Variants in FER1L5 observed in about 807,000 individuals in gnomAD.
FER1L5 encodes the protein fer-1 like family member 5, also known as fer-1-like protein 5.
In FER1L5, 187 loss-of-function variants were observed where a neutral mutation model predicts 279.9. The observed-to-expected ratio is 0.67, with a 90% CI of 0.59 to 0.75. The LOEUF is 0.75. FER1L5 is among the 30% of genes least tolerant of loss of function. FER1L5 has a pLI of 0.00. For synonymous variants in FER1L5, 921 were observed against 989.7 expected, an observed-to-expected ratio of 0.93 and a Z score of 1.30; for missense variants, 2,091 against 2,594.4, an observed-to-expected ratio of 0.81 and a Z score of 4.21.
At chr2:96,663,390 G>T in intron 13 of FER1L5, 49 bp from the exon 14 acceptor site, 1 of 1,523,108 alleles carries the variant, frequency 6.6e-7, no homozygotes, top group Non-Finnish European at 8.9e-7. Flanking sequence ...GAGGTCAGTG[G>T]AGGGAGGAGG....
rs1242312874 is a variant in FER1L5 at position 96,703,292 on chromosome 2, T to A, written c.5637T>A (p.Thr1879=). 2 of 1,613,736 alleles carry A rather than the reference T, an allele frequency of 1.2e-6. No individual in the cohort carries two copies. Among genetic ancestry groups the A allele is most frequent in the Admixed American group, 1.7e-5 (1 of 59,990 alleles). ...ACTTCTCCCTCTTTAAGAAGAAGAC[T>A]GTGACTGGCTGGTGGCCTTGCCAGG... The part of the protein sequence containing the change: ...YKHFSLFKKK[T]VTGWWPCQVL... Residue 1879 remains threonine (T), a synonymous_variant, in exon 50 of 53, where the codon ACT becomes ACA. Transcript: ENST00000624922.
At position 96,657,065 on chromosome 2, in the gene FER1L5, T is replaced by TTATATA. The variant is rs148662359; in HGVS notation, c.747+2582_747+2587dup. Among the ~76,000 whole-genome samples, 524 of 145,852 alleles carry TTATATA rather than the reference T, an allele frequency of 3.6e-3. 4 individuals are homozygous for TTATATA. Among genetic ancestry groups the TTATATA allele is most frequent in the East Asian group, 0.032 (159 of 5,016 alleles). ...TGTTTTTTTATTTTTATTTTTTAAT[T>TTATATA]TATATATATATATATATAGTTTTTT... On this transcript the variant is annotated intron_variant, in intron 9 of 52. Transcript: ENST00000624922.
chr2:96,704,080 T>C, intron 51 of FER1L5, 135 bp from the exon 52 acceptor site: 1 of 1,097,286 alleles, frequency 9.1e-7, no homozygotes, highest in Non-Finnish European at 1.3e-6. Flanking sequence ...CCTCCCAAAA[T>C]GCTGGGATTA....
At chr2:96,659,368 T>TCTTTCTTTCTTTCTTTCTTTC (rs2075789864) in intron 9 of FER1L5, among the ~76,000 whole-genome samples, 1 of 11,490 alleles carries the variant, frequency 8.7e-5, no homozygotes, top group Admixed American at 1.2e-3. Context: ...CTTCCTTCTT[T>TCTTTCTTTCTTTCTTTCTTTC]CTTTCTTTCT....
intron 37 of FER1L5, 42 bp downstream of exon 37, chr2:96,696,119 C>T (rs372081417): frequency 2.7e-5 from 43 of 1,611,872 alleles, no homozygotes; most frequent in Admixed American, 1.8e-4. Flanking sequence ...ATACTGTTGA[C>T]GGGGTATAAC....
At chr2:96,703,758 C>A in intron 51 of FER1L5, 126 bp downstream of exon 51, 3 of 717,454 alleles carry the variant, frequency 4.2e-6, no homozygotes, top group Non-Finnish European at 4.6e-6. Context: ...TGCTCAGTTA[C>A]AATCAGCAAA....
intron 18 of FER1L5, among the ~76,000 whole-genome samples, chr2:96,672,377 C>G (rs2076360321): frequency 6.6e-6 from 1 of 151,984 alleles, no homozygotes; most frequent in African/African-American, 2.4e-5. Context: ...CGCCTGGCCT[C>G]AAAAGTAAAT....
Position 96,687,908 on chromosome 2 carries a change from G to C in FER1L5, c.2322G>C (p.Gln774His). 1 of 1,551,134 alleles carries C rather than the reference G, an allele frequency of 6.4e-7. No homozygotes were observed. The highest frequency in any genetic ancestry group is 8.7e-7 in the Non-Finnish European group (1 of 1,146,986). ...ATGTCACAGACAGCAAGGACCTGCA[G>C]CTGCTCCGCCAGGGTGACACAGCGG... ...LGNVTDSKDLQLLRQGDTAVY... is the reference protein window; with the variant it reads ...LGNVTDSKDLHLLRQGDTAVY... Residue 774 changes from glutamine (Q) to histidine (H), a missense_variant, in exon 24 of 53, where the codon CAG (glutamine) becomes CAC (histidine). Physicochemically the swap from Gln to His is conservative, Grantham distance 24 (BLOSUM62 0). Coordinates refer to ENST00000624922, the MANE Select transcript of FER1L5 (RefSeq NM_001293083.2).
chr2:96,662,155 C>T, intron 12 of FER1L5, 60 bp from the exon 13 acceptor site: 3 of 1,510,906 alleles, frequency 2.0e-6, no homozygotes, highest in Non-Finnish European at 2.7e-6. Context: ...TGTCGCCACC[C>T]TATTTCCTCC....
Position 96,689,620 on chromosome 2 carries a change from A to C in FER1L5, c.2526-24A>C, listed in dbSNP as rs1157102976. 6 of 1,544,010 alleles carry C rather than the reference A, an allele frequency of 3.9e-6. No homozygotes were observed. Among genetic ancestry groups the C allele is most frequent in the Non-Finnish European group, 4.4e-6 (5 of 1,140,828 alleles). ...GGGCTGCTTGGGGAGTTGTGCTGGG[A>C]ACTTGGGGTCTCATTACCCCCAGGC... On this transcript the variant is annotated intron_variant, in intron 25 of 52. Coordinates refer to ENST00000624922, the MANE Select transcript of FER1L5 (RefSeq NM_001293083.2). This position sits in a 1 kb window ranked among gnomAD's most constrained non-coding sequence, Gnocchi z 4.6.
chr2:96,695,853 C>T lies in FER1L5; in HGVS notation c.4006C>T (p.Pro1336Ser), dbSNP rs1189921039. ...TGQANIDFLQ[P>S]YFCDPWAQDY... ...CCAGGCCAACATCGACTTCCTCCAG[C>T]CCTACTTCTGTGACCCCTGGGCTCA... is the stretch of plus-strand genomic sequence containing the variant. Residue 1336 changes from proline to serine, a missense_variant, in exon 36 of 53, where the codon CCC becomes TCC. Transcript: ENST00000624922. 2.5e-6 allele frequency: 4 copies of T among 1,613,544 alleles called. No homozygotes were observed. The African/African-American group carries it at 5.3e-5, about 22-fold the overall frequency.
At chr2:96,666,303 C>T (rs761563895) in intron 14 of FER1L5, among the ~76,000 whole-genome samples, 5 of 150,418 alleles carry the variant, frequency 3.3e-5, no homozygotes, top group Admixed American at 6.7e-5. Context: ...AAGGTGGTTC[C>T]GCCATAAATC....
At chr2:96,650,789 G>A (rs2075327616) in intron 6 of FER1L5, among the ~76,000 whole-genome samples, 1 of 152,156 alleles carries the variant, frequency 6.6e-6, no homozygotes, top group South Asian at 2.1e-4. Flanking sequence ...GGTTTTACCT[G>A]CTCCCCAGCC....
chr2:96,673,060 G>T lies in FER1L5; in HGVS notation c.1492-17G>T. ...TTATGTACTGGGTATGGGGGGTGGG[G>T]GCGGTTATTGTTTCAGAAGCACCAG... On this transcript the variant is annotated splice_polypyrimidine_tract_variant and intron_variant, in intron 18 of 52. Transcript: ENST00000624922. 3 of 1,549,626 alleles carry T rather than the reference G, an allele frequency of 1.9e-6. No homozygotes were observed. The highest frequency in any genetic ancestry group is 2.6e-6 in the Non-Finnish European group (3 of 1,146,060).
rs1306352914 is a variant in FER1L5 at position 96,699,108 on chromosome 2, C to T, written c.4582C>T (p.Pro1528Ser). The T allele has an allele frequency of 6.2e-7, 1 of 1,611,042 alleles. No homozygotes were observed. ...TELGNRDMYQ[P>S]NTLDPIFGMM... Reference sequence around the variant, plus strand: ...GCTTGGCAACCGGGACATGTACCAGCCCAACACTCTGGATCCCATCTTTGG... The same window carrying T: ...GCTTGGCAACCGGGACATGTACCAGTCCAACACTCTGGATCCCATCTTTGG... The change falls in exon 42 of 53, where the codon CCC becomes TCC. Residue 1528 changes from proline (P) to serine (S), a missense_variant. Transcript: ENST00000624922.
At position 96,689,201 on chromosome 2, in the gene FER1L5, T is replaced by C; in HGVS notation, c.2362-12T>C. 6.5e-7 allele frequency: 1 copy of C among 1,549,026 alleles called. No individual in the cohort carries two copies. Among genetic ancestry groups the C allele is most frequent in the Non-Finnish European group, 8.7e-7 (1 of 1,146,176 alleles). On this transcript the variant is annotated splice_polypyrimidine_tract_variant and intron_variant, in intron 24 of 52. Coordinates refer to ENST00000624922, the MANE Select transcript of FER1L5 (RefSeq NM_001293083.2). This position sits in a 1 kb window ranked among gnomAD's most constrained non-coding sequence, Gnocchi z 4.6. ...GAGGAGGCGGCCGCCCTGACAAGCT[T>C]CCCTCCCCTAGTATGAGAATCAGGC...
At chr2:96,672,397 G>C (rs1257127634) in intron 18 of FER1L5, among the ~76,000 whole-genome samples, 2 of 152,102 alleles carry the variant, frequency 1.3e-5, no homozygotes, top group South Asian at 4.1e-4. Flanking sequence ...TTTTTTTAAC[G>C]TGAAAGGAAA....
chr2:96,702,320 G>A lies in FER1L5; in HGVS notation c.5174G>A (p.Cys1725Tyr), dbSNP rs775153607. ...PRKPKRYELR[C>Y]IIWKTANVDL... Reference sequence around the variant, plus strand: ...AGTGGCCACAGGTATGAGCTGCGATGCATCATCTGGAAGACTGCCAATGTG... The same window carrying A: ...AGTGGCCACAGGTATGAGCTGCGATACATCATCTGGAAGACTGCCAATGTG... The change falls in exon 47 of 53, where the codon TGC (cysteine) becomes TAC (tyrosine). Residue 1725 changes from cysteine (C) to tyrosine (Y), a missense_variant. Transcript: ENST00000624922. The surrounding 1 kb of genome is among the most constrained non-coding windows in gnomAD (Gnocchi z 4.0). 1 of 1,612,244 alleles carries A rather than the reference G, an allele frequency of 6.2e-7. No individual in the cohort carries two copies. Among genetic ancestry groups the A allele is most frequent in the South Asian group, 1.1e-5 (1 of 90,508 alleles).
In FER1L5 at chr2:96,685,965, C is replaced by A; in HGVS notation, c.1921C>A (p.Gln641Lys). 1 of 1,548,198 alleles carries A rather than the reference C, an allele frequency of 6.5e-7. No individual in the cohort carries two copies. The change falls in exon 22 of 53, where the codon CAG becomes AAG. Residue 641 changes from glutamine (Q) to lysine (K), a missense_variant. Physicochemically the swap from Gln to Lys is moderately conservative, Grantham distance 53. Transcript: ENST00000624922. ...CKRPLPCMTY[Q>K]PKATSLDRKR... Reference sequence around the variant, plus strand: ...GCGCCCTCTGCCCTGCATGACCTATCAGCCCAAAGCCACCAGCCTGGACAG... The same window carrying A: ...GCGCCCTCTGCCCTGCATGACCTATAAGCCCAAAGCCACCAGCCTGGACAG...
Sources: gnomAD v4.1 joint callset for allele counts (sites outside exome capture counted in the v4.1 genomes callset) on GRCh38, gnomAD v4.1.1 for gene constraint, Gnocchi (gnomAD v3.1) non-coding constraint, MANE v1.5 for transcripts, NCBI Gene and HGNC (gene_info 2026-07-23, HGNC 2026-07-21) for gene names.